Variants in ACYP1 observed in about 807,000 individuals in gnomAD.
ACYP1 encodes the protein acylphosphatase-1.
A neutral mutation model predicts 10.4 loss-of-function variants in ACYP1; 8 were observed. That is an observed-to-expected ratio of 0.77 (90% CI 0.45 to 1.38). ACYP1 has a LOEUF of 1.38. ACYP1 is among the 40% of genes most tolerant of loss of function. The pLI, the probability that ACYP1 is intolerant of heterozygous loss-of-function variation, is 0.00. For missense variants in ACYP1, 93 were observed against 117.3 expected (o/e 0.79, Z 0.96); for synonymous variants, 38 against 40.8 (o/e 0.93, Z 0.26).
At chr14:75,055,023 G>C (rs886639145) in intron 2 of ACYP1, among the ~76,000 whole-genome samples, 1 of 150,552 alleles carries the variant, frequency 6.6e-6, no homozygotes, top group Admixed American at 6.6e-5. Context: ...TTTTAAACAG[G>C]AGGTTGTCAC....
At chr14:75,069,218 C>A (rs1374031313) in exon 1 of ACYP1, 1 of 1,512,696 alleles carries the variant, frequency 6.6e-7, no homozygotes, top group Non-Finnish European at 8.8e-7. Flanking sequence ...ACCTGGGGCC[C>A]GCCCAGCGCA....
chr14:75,054,289 C>T (rs1003650812), intron 2 of ACYP1, among the ~76,000 whole-genome samples: 1 of 146,072 alleles, frequency 6.8e-6, no homozygotes, highest in Admixed American at 6.7e-5. Flanking sequence ...TGGTGTTCAG[C>T]CTCTCAACAG....
At position 75,063,485 on chromosome 14, in the gene ACYP1, G is replaced by C; in HGVS notation, c.69C>G (p.Phe23Leu). 1 of 1,613,778 alleles carries C rather than the reference G, an allele frequency of 6.2e-7. No individual in the cohort carries two copies. Among genetic ancestry groups the C allele is most frequent in the Non-Finnish European group, 8.5e-7 (1 of 1,179,846 alleles). Residue 23 changes from phenylalanine (F) to leucine (L), a missense_variant, in exon 2 of 3, where the codon TTC (phenylalanine) becomes TTG (leucine). Transcript: ENST00000238618. ...EIFGKVQGVF[F>L]RKHTQAEGKK... is the part of the protein sequence containing the mutation. ...GGCCACATACCTGAGTATGCTTACG[G>C]AAAAACACCCCTTGCACCTTCCCAA...
chr14:75,069,069 C>A, intron 1 of ACYP1: 1 of 854,188 alleles, frequency 1.2e-6, no homozygotes, highest in East Asian at 3.1e-5. Flanking sequence ...AGAATTACCA[C>A]GTGAGTAAAA....
At chr14:75,059,059 G>C (rs889603144) in intron 2 of ACYP1, among the ~76,000 whole-genome samples, 1 of 151,112 alleles carries the variant, frequency 6.6e-6, no homozygotes, top group African/African-American at 2.4e-5. Context: ...TTAGTTGGGC[G>C]TGATATAGCA....
intron 2 of ACYP1, among the ~76,000 whole-genome samples, chr14:75,062,301 T>C (rs1192814445): frequency 6.7e-6 from 1 of 148,742 alleles, no homozygotes; most frequent in Non-Finnish European, 1.5e-5. Context: ...TGTGGCGGCA[T>C]GCACCTGTGG....
chr14:75,069,386 G>T, exon 1 of ACYP1: 2 of 1,002,408 alleles, frequency 2.0e-6, no homozygotes, highest in Non-Finnish European at 2.7e-6. Flanking sequence ...TCTCAGAAAA[G>T]TACAAGTTCT....
At chr14:75,057,964 CAAAAAAAAAAA>C (rs769312151) in intron 2 of ACYP1, among the ~76,000 whole-genome samples, 1 of 38,804 alleles carries the variant, frequency 2.6e-5, no homozygotes, top group African/African-American at 1.1e-4. Context: ...GACTCTGTCT[CAAAAAAAAAAA>C]AAAAAAAAAA....
upstream of ACYP1, among the ~76,000 whole-genome samples, chr14:75,068,603 T>C (rs1316126459): frequency 6.6e-6 from 1 of 151,648 alleles, no homozygotes; most frequent in Non-Finnish European, 1.5e-5. Flanking sequence ...TAAATTCTGC[T>C]GAGGGAAGCT....
chr14:75,063,436 T>C lies in ACYP1; in HGVS notation c.84+34A>G, dbSNP rs748093175. The stretch of plus-strand genomic sequence containing the variant: ...GTCCCTTGTTCCTATGCCCACAACC[T>C]AGGTTACCACCCCAAAGCCTGCAGG... On this transcript the variant is annotated intron_variant, in intron 2 of 2. Coordinates refer to ENST00000238618, the MANE Select transcript of ACYP1 (RefSeq NM_001107.5). 7.0e-6 allele frequency: 11 copies of C among 1,579,322 alleles called. No individual in the cohort carries two copies. In the East Asian group the frequency reaches 2.5e-4, roughly 35 times the overall value.
exon 1 of ACYP1, chr14:75,069,234 G>A (rs1422468348): frequency 1.3e-6 from 2 of 1,503,220 alleles, no homozygotes; most frequent in African/African-American, 1.5e-5. Context: ...GCGCAGCCGA[G>A]CGCGCGGAGA....
At chr14:75,058,436 C>G (rs1444415186) in intron 2 of ACYP1, among the ~76,000 whole-genome samples, 1 of 151,228 alleles carries the variant, frequency 6.6e-6, no homozygotes, top group Non-Finnish European at 1.5e-5. Context: ...GCGACAAGAA[C>G]AAGACTCCGT....
At chr14:75,064,966 CT>C (rs1893118296), upstream of ACYP1, among the ~76,000 whole-genome samples, 1 of 152,142 alleles carries the variant, frequency 6.6e-6, no homozygotes, top group Non-Finnish European at 1.5e-5. Context: ...TCAAATAATG[CT>C]TGAACAAATA....
At chr14:75,063,249 G>A (rs1170848036) in intron 2 of ACYP1, 1 of 532,150 alleles carries the variant, frequency 1.9e-6, no homozygotes, top group Non-Finnish European at 3.4e-6. Context: ...GTATCTAGAT[G>A]CTCAGGCACC....
intron 1 of ACYP1, 101 bp from the exon 2 acceptor site, chr14:75,063,662 A>G: frequency 1.1e-6 from 1 of 924,666 alleles, no homozygotes; most frequent in Non-Finnish European, 1.7e-6. Flanking sequence ...ATCCTTAACC[A>G]TTGCGACCTC....
chr14:75,066,819 C>T (rs1252292004), upstream of ACYP1, among the ~76,000 whole-genome samples: 1 of 152,118 alleles, frequency 6.6e-6, no homozygotes, highest in Middle Eastern at 3.4e-3. Context: ...GCCACTCCAC[C>T]CCCATCTGGA....
intron 2 of ACYP1, among the ~76,000 whole-genome samples, chr14:75,056,514 C>A (rs544196578): frequency 6.6e-6 from 1 of 150,874 alleles, no homozygotes; most frequent in East Asian, 1.9e-4. Context: ...CAGCCTTAAC[C>A]TCCCAGGCTC....
Position 75,063,990 on chromosome 14 carries a change from C to G in ACYP1, c.-45G>C, listed in dbSNP as rs758622632. On this transcript the variant is annotated 5_prime_UTR_variant, in exon 1 of 3. Transcript: ENST00000238618. Reference sequence around the variant, plus strand: ...TCCCCACCGGCTGCCAGGATCACTCCGGGACCACCACGCCAACGGCTCACC... The same window carrying G: ...TCCCCACCGGCTGCCAGGATCACTCGGGGACCACCACGCCAACGGCTCACC... The G allele has an allele frequency of 3.0e-6, 3 of 992,932 alleles. No homozygotes were observed. In the East Asian group the frequency reaches 3.3e-4, roughly 108 times the overall value. 61.5% of individuals were successfully genotyped at this position (992,932 alleles called of 1,614,324 possible). A position where few individuals can be genotyped will look rare whatever the true frequency, so the allele number is the denominator to read the frequency against.
At chr14:75,061,789 T>G (rs764310525) in intron 2 of ACYP1, 4 of 1,523,562 alleles carry the variant, frequency 2.6e-6, no homozygotes, top group Non-Finnish European at 3.6e-6. Flanking sequence ...TGGGAAGAAA[T>G]GATTTTTGAA....
Sources: gnomAD v4.1 joint callset for allele counts (sites outside exome capture counted in the v4.1 genomes callset) on GRCh38, gnomAD v4.1.1 for gene constraint, MANE v1.5 for transcripts, NCBI Gene and HGNC (gene_info 2026-07-23, HGNC 2026-07-21) for gene names.